RGS20: variants seen among roughly 807,000 people sequenced by gnomAD.
RGS20 encodes regulator of G protein signaling 20.
A neutral mutation model predicts 33.6 loss-of-function variants in RGS20; 30 were observed. The observed-to-expected ratio is 0.89, with a 90% CI of 0.67 to 1.21. The LOEUF (loss-of-function observed/expected upper bound fraction) is 1.21, where lower values mean the gene tolerates loss of function less well. Among genes scored for constraint, RGS20 ranks in the 50% most tolerant of loss-of-function variants. RGS20 has a pLI of 0.00. For missense variants in RGS20, 472 were observed against 502.4 expected, an observed-to-expected ratio of 0.94 and a Z score of 0.58; for synonymous variants, 208 against 197.9, an observed-to-expected ratio of 1.05 and a Z score of -0.43.
intron 5 of RGS20, among the ~76,000 whole-genome samples, chr8:53,957,017 A>C (rs901932153): frequency 1.3e-5 from 2 of 152,208 alleles, no homozygotes; most frequent in Non-Finnish European, 2.9e-5. Flanking sequence ...AATCACAAAA[A>C]ACCTAAGACA....
intron 2 of RGS20, among the ~76,000 whole-genome samples, chr8:53,883,137 G>A (rs1481410412): frequency 6.6e-6 from 1 of 150,838 alleles, no homozygotes; most frequent in Non-Finnish European, 1.5e-5. Flanking sequence ...TCTTCTGTTC[G>A]TTAAGTGACA....
chr8:53,957,611 G>A (rs1402284442), intron 5 of RGS20, among the ~76,000 whole-genome samples: 10 of 152,224 alleles, frequency 6.6e-5, no homozygotes, highest in African/African-American at 2.4e-4. Context: ...GGCAGTCTGT[G>A]CTGCCTGTTT....
chr8:53,881,799 T>A (rs935126461), intron 2 of RGS20, among the ~76,000 whole-genome samples: 8 of 152,044 alleles, frequency 5.3e-5, no homozygotes, highest in Non-Finnish European at 8.8e-5. Context: ...GGGATTTTCC[T>A]GGAACAAACC....
At chr8:53,861,429 T>C (rs1221591649) in intron 1 of RGS20, among the ~76,000 whole-genome samples, 3 of 152,222 alleles carry the variant, frequency 2.0e-5, no homozygotes, top group African/African-American at 7.2e-5. Flanking sequence ...ACAAAATATA[T>C]AGATTGTGTG....
chr8:53,954,700 T>C (rs1004965411), intron 5 of RGS20, among the ~76,000 whole-genome samples: 1 of 150,512 alleles, frequency 6.6e-6, no homozygotes, highest in Admixed American at 6.6e-5. Context: ...TTTTTTTTTT[T>C]TTTTTGAGAT....
chr8:53,889,879 T>G (rs1812665465), intron 2 of RGS20, among the ~76,000 whole-genome samples: 3 of 152,170 alleles, frequency 2.0e-5, no homozygotes. Context: ...GTTGTTATCC[T>G]CATAAAGTTT....
intron 4 of RGS20, among the ~76,000 whole-genome samples, chr8:53,950,332 C>T (rs1388557408): frequency 6.6e-6 from 1 of 152,094 alleles, no homozygotes; most frequent in East Asian, 1.9e-4. Context: ...GATTGAAATA[C>T]AGTTTGAGTT....
At chr8:53,900,166 T>C (rs988310227) in intron 2 of RGS20, among the ~76,000 whole-genome samples, 1 of 152,278 alleles carries the variant, frequency 6.6e-6, no homozygotes, top group Non-Finnish European at 1.5e-5. Context: ...CCAATTTGTT[T>C]ACAGTCTTTT....
intron 2 of RGS20, chr8:53,933,725 G>A (rs779935462): frequency 1.3e-5 from 2 of 152,832 alleles, no homozygotes; most frequent in Non-Finnish European, 2.9e-5. Context: ...CCTAGCAAGA[G>A]AGGCCAACGT....
At chr8:53,922,871 G>A (rs990355116) in intron 2 of RGS20, among the ~76,000 whole-genome samples, 16 of 152,104 alleles carry the variant, frequency 1.1e-4, no homozygotes, top group Non-Finnish European at 2.1e-4. Flanking sequence ...ATGTTGTCCA[G>A]GCTGGTCTTG....
intron 2 of RGS20, among the ~76,000 whole-genome samples, chr8:53,888,277 A>C (rs1407341534): frequency 6.6e-6 from 1 of 152,162 alleles, no homozygotes; most frequent in Non-Finnish European, 1.5e-5. Flanking sequence ...ACTGAAACAA[A>C]GTTTTTCTGT....
intron 1 of RGS20, among the ~76,000 whole-genome samples, chr8:53,873,638 A>T (rs1222276204): frequency 6.6e-6 from 1 of 152,246 alleles, no homozygotes; most frequent in African/African-American, 2.4e-5. Context: ...ATATTAATTG[A>T]GTAGTTTATC....
intron 2 of RGS20, chr8:53,881,034 G>C: frequency 1.9e-6 from 3 of 1,583,836 alleles, no homozygotes; most frequent in Non-Finnish European, 2.6e-6. Flanking sequence ...GGCGGACGGA[G>C]GCGAGCCGGC....
rs553655867 is a variant in RGS20 at position 53,937,136 on chromosome 8, T to C, written c.511-2440T>C. On this transcript the variant is annotated intron_variant, in intron 2 of 5. Coordinates refer to ENST00000297313, the MANE Select transcript of RGS20 (RefSeq NM_170587.4). ...GTGGGGAACATCACACACCAGGGCCTGTCGTGGAGTTGGGGGGAGAGGGGA... is the reference window on the plus strand; with the variant it reads ...GTGGGGAACATCACACACCAGGGCCCGTCGTGGAGTTGGGGGGAGAGGGGA... Among the ~76,000 whole-genome samples the C allele has an allele frequency of 3.2e-4, 48 of 152,076 alleles. No homozygotes were observed. In the South Asian group the frequency reaches 1.0e-2, roughly 32 times the overall value.
At chr8:53,855,358 C>G (rs936372390) in intron 1 of RGS20, among the ~76,000 whole-genome samples, 1 of 152,098 alleles carries the variant, frequency 6.6e-6, no homozygotes, top group Non-Finnish European at 1.5e-5. Flanking sequence ...AGTCACCATG[C>G]CCAGCCTATA....
intron 3 of RGS20, among the ~76,000 whole-genome samples, chr8:53,943,952 G>A (rs1275386935): frequency 6.6e-6 from 1 of 151,534 alleles, no homozygotes; most frequent in Non-Finnish European, 1.5e-5. Context: ...AGTCAAAAGG[G>A]TTCCTGCATT....
At chr8:53,947,409 TAC>T (rs1814535175) in intron 4 of RGS20, among the ~76,000 whole-genome samples, 4 of 53,934 alleles carry the variant, frequency 7.4e-5, no homozygotes, top group South Asian at 9.1e-4. Context: ...TAAGATATAG[TAC>T]ATTTATATAT....
At chr8:53,865,887 A>G (rs1585865443) in intron 1 of RGS20, among the ~76,000 whole-genome samples, 1 of 152,226 alleles carries the variant, frequency 6.6e-6, no homozygotes, top group Non-Finnish European at 1.5e-5. Flanking sequence ...GATTACAGGC[A>G]TGAACCATTG....
intron 1 of RGS20, chr8:53,876,268 C>T (rs1812206016): frequency 6.6e-6 from 1 of 152,172 alleles, no homozygotes; most frequent in Non-Finnish European, 1.5e-5. Flanking sequence ...GAATGAAAAC[C>T]TTCCATTTGA....
Sources: gnomAD v4.1 joint callset for allele counts (sites outside exome capture counted in the v4.1 genomes callset) on GRCh38, gnomAD v4.1.1 for gene constraint, MANE v1.5 for transcripts, NCBI Gene and HGNC (gene_info 2026-07-23, HGNC 2026-07-21) for gene names.